Variants in PLCB1 observed in about 807,000 individuals in gnomAD.
The protein encoded by PLCB1 is phospholipase C beta 1.
Under a neutral mutation model 161.8 loss-of-function variants are expected in PLCB1, and 46 were observed. The observed-to-expected ratio is 0.28, with a 90% CI of 0.22 to 0.36. PLCB1 has a LOEUF of 0.36. Ranked by LOEUF, PLCB1 falls within the 10% of genes least tolerant of loss-of-function variation. The pLI is 1.00. For synonymous variants in PLCB1, 517 were observed against 503.7 expected (o/e 1.03, Z -0.35); for missense variants, 1,016 against 1,472.5 (o/e 0.69, Z 5.07).
intron 2 of PLCB1, among the ~76,000 whole-genome samples, chr20:8,238,844 G>A (rs1400126460): frequency 6.8e-6 from 1 of 147,168 alleles, no homozygotes; most frequent in Non-Finnish European, 1.5e-5. Context: ...GGATGGTGGA[G>A]TCCATTGAGT....
At chr20:8,293,350 C>G (rs565756507) in intron 2 of PLCB1, among the ~76,000 whole-genome samples, 52 of 152,206 alleles carry the variant, frequency 3.4e-4, no homozygotes, top group Admixed American at 9.2e-4. Context: ...GGAAGAATGA[C>G]TGGTTCAGCT....
At chr20:8,651,826 C>A in intron 7 of PLCB1, 1 of 265,172 alleles carries the variant, frequency 3.8e-6, no homozygotes, top group Non-Finnish European at 7.1e-6. Flanking sequence ...TCGCAAATCC[C>A]TGAGGCTGGA....
chr20:8,412,140 G>A (rs906406538), intron 3 of PLCB1, among the ~76,000 whole-genome samples: 1 of 152,152 alleles, frequency 6.6e-6, no homozygotes, highest in African/African-American at 2.4e-5. Flanking sequence ...ACATTGTAAG[G>A]TATTATTAGT....
chr20:8,726,362 C>T (rs567817922), intron 16 of PLCB1, among the ~76,000 whole-genome samples: 5 of 152,224 alleles, frequency 3.3e-5, no homozygotes, highest in South Asian at 2.1e-4. Flanking sequence ...AGCACATCCT[C>T]CTCTCTGGCC....
At chr20:8,555,512 G>A (rs1458751343) in intron 3 of PLCB1, among the ~76,000 whole-genome samples, 1 of 152,048 alleles carries the variant, frequency 6.6e-6, no homozygotes, top group East Asian at 1.9e-4. Flanking sequence ...TATGATTTAA[G>A]CACTTCTGAA....
chr20:8,516,323 A>G (rs1396165189), intron 3 of PLCB1, among the ~76,000 whole-genome samples: 1 of 152,188 alleles, frequency 6.6e-6, no homozygotes, highest in Non-Finnish European at 1.5e-5. Context: ...TGCTTCTGAT[A>G]ATATTACTCT....
intron 31 of PLCB1, among the ~76,000 whole-genome samples, chr20:8,825,881 C>T (rs1985670229): frequency 6.6e-6 from 1 of 152,096 alleles, no homozygotes; most frequent in Admixed American, 6.5e-5. Context: ...GAAACAGGGC[C>T]TGGAGCCGGA....
chr20:8,422,494 G>T (rs775608784), intron 3 of PLCB1, among the ~76,000 whole-genome samples: 3 of 152,140 alleles, frequency 2.0e-5, no homozygotes, highest in Non-Finnish European at 2.9e-5. Context: ...TATTGATAGG[G>T]GTTACATGGG....
chr20:8,146,052 G>A (rs928898131), intron 1 of PLCB1, among the ~76,000 whole-genome samples: 4 of 151,560 alleles, frequency 2.6e-5, no homozygotes, highest in South Asian at 2.1e-4. Context: ...CCAAGGAAAC[G>A]AAAAGTGGTT....
chr20:8,683,055 A>T (rs1050791483), intron 9 of PLCB1, among the ~76,000 whole-genome samples: 1 of 152,128 alleles, frequency 6.6e-6, no homozygotes, highest in African/African-American at 2.4e-5. Flanking sequence ...AAATATAGAT[A>T]GTTGCATATT....
intron 2 of PLCB1, among the ~76,000 whole-genome samples, chr20:8,188,720 C>T (rs1046749621): frequency 6.6e-6 from 1 of 152,068 alleles, no homozygotes; most frequent in Admixed American, 6.5e-5. Context: ...TGTATTGCGA[C>T]GTTTTCACTT....
At chr20:8,669,658 T>A (rs1179824434) in intron 9 of PLCB1, among the ~76,000 whole-genome samples, 4 of 152,150 alleles carry the variant, frequency 2.6e-5, no homozygotes, top group African/African-American at 9.7e-5. Flanking sequence ...TCCTCTGTAG[T>A]CAGTACAGTG....
chr20:8,315,204 C>T (rs927840858), intron 2 of PLCB1, among the ~76,000 whole-genome samples: 1 of 152,098 alleles, frequency 6.6e-6, no homozygotes, highest in Non-Finnish European at 1.5e-5. Flanking sequence ...CGTCATGGAG[C>T]TGAACATATG....
intron 3 of PLCB1, among the ~76,000 whole-genome samples, chr20:8,571,982 T>C (rs7343410): frequency 6.6e-6 from 1 of 152,102 alleles, no homozygotes; most frequent in African/African-American, 2.4e-5. Flanking sequence ...CTCTCTTGAC[T>C]GGTAATGGTA....
At chr20:8,807,795 A>C (rs373489282) in intron 31 of PLCB1, among the ~76,000 whole-genome samples, 8 of 152,306 alleles carry the variant, frequency 5.3e-5, no homozygotes, top group Admixed American at 4.6e-4. Flanking sequence ...AATGTGGCTG[A>C]TGCAACTAAG....
In PLCB1 at chr20:8,571,142, T is replaced by A. The variant is rs543865996; in HGVS notation, c.247-57152T>A. 3.9e-5 allele frequency among the ~76,000 whole-genome samples: 6 copies of A among 152,302 alleles called. 1 individual carries two copies. In the South Asian group the frequency reaches 1.2e-3, roughly 32 times the overall value. On this transcript the variant is annotated intron_variant, in intron 3 of 31. Coordinates refer to ENST00000338037, the MANE Select transcript of PLCB1 (RefSeq NM_015192.4). ...AGCAAGGAGACTCATTTGAATGTTTTTAGTAGAAAAAGGGAAATACCTATT... is the reference window on the plus strand; with the variant it reads ...AGCAAGGAGACTCATTTGAATGTTTATAGTAGAAAAAGGGAAATACCTATT...
chr20:8,853,078 C>T (rs966516330), intron 31 of PLCB1, among the ~76,000 whole-genome samples: 2 of 151,660 alleles, frequency 1.3e-5, no homozygotes, highest in Middle Eastern at 3.2e-3. Context: ...GATATGAAAA[C>T]ATGTGCATAT....
chr20:8,202,683 G>A (rs1978326992), intron 2 of PLCB1, among the ~76,000 whole-genome samples: 1 of 152,212 alleles, frequency 6.6e-6, no homozygotes, highest in African/African-American at 2.4e-5. Flanking sequence ...GCCAGGCAAT[G>A]CATTGTGTTC....
intron 31 of PLCB1, among the ~76,000 whole-genome samples, chr20:8,838,873 T>C (rs1986391396): frequency 6.6e-6 from 1 of 152,232 alleles, no homozygotes; most frequent in South Asian, 2.1e-4. Flanking sequence ...TGGTACTTGG[T>C]ATGCAGTTAT....
Sources: gnomAD v4.1 joint callset for allele counts (sites outside exome capture counted in the v4.1 genomes callset) on GRCh38, gnomAD v4.1.1 for gene constraint, MANE v1.5 for transcripts, NCBI Gene and HGNC (gene_info 2026-07-23, HGNC 2026-07-21) for gene names.